Variants in HECW2 observed in about 807,000 individuals in gnomAD.
The protein encoded by HECW2 is HECT, C2 and WW domain containing E3 ubiquitin protein ligase 2.
HECW2 carries 61 observed loss-of-function variants against 175.2 expected under a neutral mutation model. The observed-to-expected ratio is 0.35, with a 90% CI of 0.28 to 0.43. The LOEUF is 0.43. Ranked by LOEUF, HECW2 falls within the 20% of genes least tolerant of loss-of-function variation. The probability of loss-of-function intolerance (pLI) is 1.00; values close to 1 mark genes in which losing one functional copy is unlikely to be tolerated. For missense variants in HECW2, 1,524 were observed against 2,000.5 expected (o/e 0.76, Z 4.54); for synonymous variants, 671 against 731.0 (o/e 0.92, Z 1.32).
At chr2:196,503,654 G>C (rs78652762) in intron 1 of HECW2, among the ~76,000 whole-genome samples, 29 of 152,160 alleles carry the variant, frequency 1.9e-4, no homozygotes, top group African/African-American at 7.0e-4. Flanking sequence ...GTGTCTCCCC[G>C]TAACAGCAGA....
chr2:196,437,486 C>T (rs1252745336), intron 1 of HECW2, among the ~76,000 whole-genome samples: 4 of 151,806 alleles, frequency 2.6e-5, no homozygotes, highest in Admixed American at 2.0e-4. Context: ...GTGGAACATG[C>T]CTGTAATCCC....
intron 4 of HECW2, 101 bp from the exon 5 acceptor site, chr2:196,329,751 C>T: frequency 1.1e-6 from 1 of 901,500 alleles, no homozygotes; most frequent in Non-Finnish European, 1.8e-6. Flanking sequence ...ATTTTTGCAT[C>T]AAACGGGTAT....
chr2:196,346,002 C>T (rs1355348592), intron 2 of HECW2, among the ~76,000 whole-genome samples: 1 of 152,144 alleles, frequency 6.6e-6, no homozygotes, highest in Non-Finnish European at 1.5e-5. Flanking sequence ...ATTCACAAAG[C>T]TTTTTAAAAA....
At chr2:196,383,067 T>A (rs571527404) in intron 2 of HECW2, among the ~76,000 whole-genome samples, 2 of 152,242 alleles carry the variant, frequency 1.3e-5, no homozygotes, top group East Asian at 3.9e-4. Flanking sequence ...AGGAGAAAGA[T>A]AACAAAGATA....
chr2:196,286,402 T>TATATA (rs1391832927), intron 14 of HECW2, among the ~76,000 whole-genome samples: 1 of 117,068 alleles, frequency 8.5e-6, no homozygotes, highest in Non-Finnish European at 2.0e-5. Context: ...ATATATATAT[T>TATATA]TAAATCCATG....
intron 19 of HECW2, among the ~76,000 whole-genome samples, chr2:196,244,577 T>C (rs1422106140): frequency 2.0e-5 from 3 of 152,126 alleles, no homozygotes; most frequent in African/African-American, 7.2e-5. Flanking sequence ...CCGCAAGCAT[T>C]TGTTAAGATC....
At chr2:196,547,964 G>C (rs1252008956) in intron 1 of HECW2, among the ~76,000 whole-genome samples, 1 of 152,120 alleles carries the variant, frequency 6.6e-6, no homozygotes, top group Non-Finnish European at 1.5e-5. Context: ...GAGGGAATTC[G>C]AGTGAGGTCT....
At chr2:196,303,213 C>T (rs7587740) in intron 13 of HECW2, among the ~76,000 whole-genome samples, 81,433 of 152,092 alleles carry the variant, frequency 0.54, 25,193 homozygotes, top group East Asian at 0.81. Context: ...TGATGAATCA[C>T]ATGTATTGAT....
chr2:196,487,147 TAAA>T (rs375017365), intron 1 of HECW2, among the ~76,000 whole-genome samples: 3 of 123,852 alleles, frequency 2.4e-5, no homozygotes, highest in Non-Finnish European at 3.4e-5. Context: ...AGACTCTGCC[TAAA>T]AAAAAAAAAA....
chr2:196,441,594 A>G (rs963278821), intron 1 of HECW2, among the ~76,000 whole-genome samples: 3 of 152,176 alleles, frequency 2.0e-5, no homozygotes, highest in Non-Finnish European at 4.4e-5. Context: ...ATCTGAGATG[A>G]ACAAAGACGT....
intron 2 of HECW2, among the ~76,000 whole-genome samples, chr2:196,358,391 T>A (rs1002818318): frequency 2.0e-5 from 3 of 151,486 alleles, no homozygotes; most frequent in African/African-American, 7.3e-5. Context: ...CTGACCAACA[T>A]GATGAAACCC....
At chr2:196,257,715 T>G (rs1169754202) in intron 18 of HECW2, 108 bp downstream of exon 18, 8 of 781,328 alleles carry the variant, frequency 1.0e-5, no homozygotes, top group Non-Finnish European at 1.7e-5. Context: ...GTCTAAAGAA[T>G]AAGAACAATT....
chr2:196,238,283 T>C (rs1040281144), intron 21 of HECW2, among the ~76,000 whole-genome samples: 13 of 152,120 alleles, frequency 8.5e-5, no homozygotes, highest in African/African-American at 2.9e-4. Flanking sequence ...TCCATTTTTA[T>C]AGTTCAATGG....
At chr2:196,323,387 G>A (rs960878666) in intron 6 of HECW2, among the ~76,000 whole-genome samples, 1 of 152,164 alleles carries the variant, frequency 6.6e-6, no homozygotes, top group African/African-American at 2.4e-5. Context: ...TTTTGAAGAT[G>A]AGAATCTCAG....
At chr2:196,518,221 T>C (rs1688218331) in intron 1 of HECW2, among the ~76,000 whole-genome samples, 1 of 152,066 alleles carries the variant, frequency 6.6e-6, no homozygotes, top group Non-Finnish European at 1.5e-5. Flanking sequence ...AAAAATAAAA[T>C]ATAATAGAAA....
intron 1 of HECW2, among the ~76,000 whole-genome samples, chr2:196,550,652 T>C (rs1689577153): frequency 1.3e-5 from 2 of 152,210 alleles, no homozygotes; most frequent in Non-Finnish European, 2.9e-5. Context: ...TGAGAACATG[T>C]TATAAATGCT....
chr2:196,356,042 A>G (rs1016931456), intron 2 of HECW2, among the ~76,000 whole-genome samples: 2 of 152,226 alleles, frequency 1.3e-5, no homozygotes, highest in Admixed American at 1.3e-4. Flanking sequence ...GGAACAGCCA[A>G]GTGATGCAGC....
At chr2:196,402,806 T>TA (rs993856135) in intron 2 of HECW2, among the ~76,000 whole-genome samples, 1 of 133,646 alleles carries the variant, frequency 7.5e-6, no homozygotes, top group Non-Finnish European at 1.5e-5. Context: ...CTTGGGAATT[T>TA]TTTTTTTTTT....
In HECW2 at chr2:196,418,830, T is replaced by C. The variant is rs1437392405; in HGVS notation, c.292+14302A>G. On this transcript the variant is annotated intron_variant, in intron 2 of 28. Coordinates refer to ENST00000644978, the MANE Select transcript of HECW2 (RefSeq NM_001348768.2). Reference sequence around the variant, plus strand: ...ATGACTTATTAACTATGATCCTGAATATAGAGGATATTTAAAAAATTTTTT... The same window carrying C: ...ATGACTTATTAACTATGATCCTGAACATAGAGGATATTTAAAAAATTTTTT... Among the ~76,000 whole-genome samples, 4 of 152,336 alleles carry C rather than the reference T, an allele frequency of 2.6e-5. No homozygotes were observed. In the East Asian group the frequency reaches 7.7e-4, roughly 29 times the overall value.
Sources: allele counts gnomAD v4.1 joint callset (sites outside exome capture counted in the v4.1 genomes callset), GRCh38; gene constraint gnomAD v4.1.1; transcripts MANE v1.5; gene names NCBI Gene and HGNC (gene_info 2026-07-23, HGNC 2026-07-21).